WNK3: variants seen among roughly 807,000 people sequenced by gnomAD.
The protein encoded by WNK3 is WNK lysine deficient protein kinase 3.
A neutral mutation model predicts 116.7 loss-of-function variants in WNK3; 18 were observed. The ratio of observed to expected loss-of-function variants is 0.15; its 90% CI spans 0.11 to 0.23. The LOEUF is 0.23. Ranked by LOEUF, WNK3 falls within the 10% of genes least tolerant of loss-of-function variation. The pLI is 1.00. For synonymous variants in WNK3, 404 were observed against 469.4 expected, an observed-to-expected ratio of 0.86 and a Z score of 1.80; for missense variants, 993 against 1,323.8, an observed-to-expected ratio of 0.75 and a Z score of 3.88.
intron 20 of WNK3, among the ~76,000 whole-genome samples, chrX:54,233,484 G>T (rs1417322713): frequency 9.8e-6 from 1 of 102,343 alleles, no homozygotes; most frequent in African/African-American, 3.6e-5. Context: ...AGGGAGGGAG[G>T]GAGGGAAGGA....
chrX:54,302,646 T>A (rs1380038776), intron 5 of WNK3, among the ~76,000 whole-genome samples: 2 of 102,304 alleles, frequency 2.0e-5, no homozygotes, highest in African/African-American at 7.1e-5. Context: ...AATGCTATTT[T>A]AAAAAACTTT....
chrX:54,358,465 G>A (rs1452631078), upstream of WNK3: 2 of 111,605 alleles, frequency 1.8e-5, no homozygotes, highest in South Asian at 3.8e-4. Flanking sequence ...GTTAGGAGGT[G>A]GTACCCGCCG....
intron 1 of WNK3, among the ~76,000 whole-genome samples, chrX:54,347,564 T>C (rs1205438937): frequency 9.2e-6 from 1 of 108,631 alleles, no homozygotes; most frequent in Non-Finnish European, 1.9e-5. Flanking sequence ...GTAGGAGGAT[T>C]GCTTGAGCCT....
At chrX:54,237,269 C>A (rs782598022) in exon 20 of WNK3, 17 of 1,212,020 alleles carry the variant, frequency 1.4e-5, no homozygotes, top group Non-Finnish European at 1.8e-5. Context: ...TCTGGGGTCA[C>A]TGAAGATACA....
exon 16 of WNK3, chrX:54,250,105 C>T (rs1220446857): frequency 8.4e-7 from 1 of 1,194,896 alleles, no homozygotes; most frequent in African/African-American, 1.8e-5. Context: ...CACCGACCAA[C>T]TGGGGATGAC....
At chrX:54,224,851 G>A (rs1034462058) in intron 22 of WNK3, among the ~76,000 whole-genome samples, 31 of 110,913 alleles carry the variant, frequency 2.8e-4, no homozygotes, top group Non-Finnish European at 4.5e-4. Flanking sequence ...TTACAGGCGT[G>A]AGCCACCGTG....
chrX:54,307,985 G>A lies in WNK3; in HGVS notation c.1026C>T (p.Ala342=), dbSNP rs782621371. Reference sequence around the variant, plus strand: ...ACTCAGAATAAGGATACTCCGATGTGGCCATTTCCAGCATACACATTCCAA... The same window carrying A: ...ACTCAGAATAAGGATACTCCGATGTAGCCATTTCCAGCATACACATTCCAA... The change falls in exon 5 of 24, where the codon GCC becomes GCT. Residue 342 remains alanine, a synonymous_variant. Transcript: ENST00000354646. The A allele has an allele frequency of 5.0e-6, 6 of 1,204,898 alleles. No individual in the cohort carries two copies. In the Admixed American group the frequency reaches 1.1e-4, roughly 22 times the overall value.
chrX:54,255,648 A>G, intron 12 of WNK3, 92 bp downstream of exon 12: 1 of 841,173 alleles, frequency 1.2e-6, no homozygotes, highest in Non-Finnish European at 1.6e-6. Context: ...AGGGTCTCGC[A>G]ATATTCTACA....
exon 9 of WNK3, chrX:54,293,240 G>C: frequency 5.0e-6 from 6 of 1,210,998 alleles, no homozygotes; most frequent in Non-Finnish European, 5.6e-6. Context: ...AGAGCCCATC[G>C]TTTGATTTGA....
At chrX:54,234,404 T>A (rs971979326) in intron 20 of WNK3, among the ~76,000 whole-genome samples, 1 of 111,320 alleles carries the variant, frequency 9.0e-6, no homozygotes, top group African/African-American at 3.3e-5. Context: ...TCTTGGGTTC[T>A]ATGAGGTTAT....
Position 54,347,523 on chromosome X carries a change from G to A in WNK3, c.-120+10163C>T, listed in dbSNP as rs782150743. On this transcript the variant is annotated intron_variant, in intron 1 of 23. Coordinates refer to ENST00000354646, the Ensembl canonical transcript of WNK3. ...ATAAATAGCCAGGCATGTAGTATGC[G>A]CCTGTAGTCCCAGCTACTTGGGAGG... Among the ~76,000 whole-genome samples the A allele has an allele frequency of 7.3e-5, 8 of 108,935 alleles. No individual in the cohort carries two copies. In the South Asian group the frequency reaches 1.6e-3, roughly 22 times the overall value. 94.6% of individuals were successfully genotyped at this position (108,935 alleles called of 115,157 possible). A position where few individuals can be genotyped will look rare whatever the true frequency, so the allele number is the denominator to read the frequency against.
At chrX:54,341,857 T>C (rs1200105025) in intron 1 of WNK3, among the ~76,000 whole-genome samples, 1 of 112,078 alleles carries the variant, frequency 8.9e-6, no homozygotes, top group Non-Finnish European at 1.9e-5. Flanking sequence ...TGAACTAAAA[T>C]TGAGTTGTAA....
At chrX:54,353,232 G>T (rs1282202723) in intron 1 of WNK3, among the ~76,000 whole-genome samples, 1 of 111,626 alleles carries the variant, frequency 9.0e-6, no homozygotes, top group Non-Finnish European at 1.9e-5. Context: ...GTCAAGACAG[G>T]CGGATCACCT....
chrX:54,221,483 T>C (rs5961048), intron 22 of WNK3, among the ~76,000 whole-genome samples: 1,762 of 111,953 alleles, frequency 0.016, 13 homozygotes, highest in Middle Eastern at 0.033. Context: ...GTGTATGTAT[T>C]ACACACACAT....
chrX:54,200,587 T>C (rs2067491673), intron 23 of WNK3, among the ~76,000 whole-genome samples: 1 of 111,718 alleles, frequency 9.0e-6, no homozygotes, highest in African/African-American at 3.3e-5. Context: ...ATAGATCAAA[T>C]GACTTTTCTA....
intron 10 of WNK3, among the ~76,000 whole-genome samples, chrX:54,279,354 A>C (rs1193133162): frequency 1.8e-5 from 2 of 111,670 alleles, no homozygotes; most frequent in Admixed American, 9.6e-5. Flanking sequence ...TGTAATATAC[A>C]TAACAATTAT....
At chrX:54,323,957 CAG>C (rs781864488) in intron 2 of WNK3, among the ~76,000 whole-genome samples, 37 of 112,457 alleles carry the variant, frequency 3.3e-4, no homozygotes, top group Middle Eastern at 4.6e-3. Flanking sequence ...TGGCTTAAAA[CAG>C]AAATGTATTA....
intron 8 of WNK3, 76 bp from the exon 9 acceptor site, chrX:54,293,403 G>T: frequency 4.8e-6 from 4 of 837,683 alleles, no homozygotes; most frequent in Non-Finnish European, 6.5e-6. Context: ...ATAGGTAATG[G>T]TGTTTCTTTA....
Position 54,260,721 on chromosome X carries a change from ATTTG to A in WNK3, c.2038-1387_2038-1384del, listed in dbSNP as rs1278566849. ...AATGAAATGTTTCATTTTTACTTTC[ATTTG>A]TTTGTTTTTTGTTTTGAGATGGAGT... On this transcript the variant is annotated intron_variant, in intron 10 of 23. Transcript: ENST00000354646. 7.3e-5 allele frequency among the ~76,000 whole-genome samples: 8 copies of A among 109,939 alleles called. No homozygotes were observed. In the South Asian group the frequency reaches 3.1e-3, roughly 43 times the overall value.
Sources: allele counts gnomAD v4.1 joint callset (sites outside exome capture counted in the v4.1 genomes callset), GRCh38; gene constraint gnomAD v4.1.1; transcripts MANE v1.5; gene names NCBI Gene and HGNC (gene_info 2026-07-23, HGNC 2026-07-21).